Variants in CSMD2 observed in about 807,000 individuals in gnomAD.
CSMD2 encodes CUB and sushi domain-containing protein 2.
Under a neutral mutation model 398.5 loss-of-function variants are expected in CSMD2, and 130 were observed. The ratio of observed to expected loss-of-function variants is 0.33; its 90% CI spans 0.28 to 0.38. CSMD2 has a LOEUF of 0.38. CSMD2 is among the 10% of genes least tolerant of loss of function. The probability of loss-of-function intolerance (pLI) is 1.00; values close to 1 mark genes in which losing one functional copy is unlikely to be tolerated. For synonymous variants in CSMD2, 1,828 were observed against 1,908.5 expected (o/e 0.96, Z 1.10); for missense variants, 3,829 against 4,764.9 (o/e 0.80, Z 5.78).
intron 5 of CSMD2, among the ~76,000 whole-genome samples, chr1:33,867,854 A>G (rs1234465545): frequency 6.6e-6 from 1 of 152,114 alleles, no homozygotes; most frequent in Non-Finnish European, 1.5e-5. Flanking sequence ...CCTCTCTGGG[A>G]AGAGGGCCCC....
rs537275142 is a variant in CSMD2, at chr1:33,592,983, A to G, written c.6857-5815T>C. ...AAAAAAATTATCATGACATATGTGT[A>G]CACTCATGATCTTAGCAGCATTATT... On this transcript the variant is annotated intron_variant, in intron 44 of 70. Coordinates refer to ENST00000373381, the MANE Select transcript of CSMD2 (RefSeq NM_001281956.2). Among the ~76,000 whole-genome samples the G allele has an allele frequency of 7.2e-5, 11 of 152,194 alleles. No individual in the cohort carries two copies. In the South Asian group the frequency reaches 2.3e-3, roughly 32 times the overall value.
At position 33,968,081 on chromosome 1, in the gene CSMD2, T is replaced by C. The variant is rs116796368; in HGVS notation, c.518-32127A>G. On this transcript the variant is annotated intron_variant, in intron 3 of 70. Transcript: ENST00000373381. ...GCCCCATGAGCCTAGTGGTCTCCTC[T>C]TTAGGAGGAAGATGAGAAGCCCGAC... is the stretch of plus-strand genomic sequence containing the variant. Among the ~76,000 whole-genome samples, 802 of 152,286 alleles carry C rather than the reference T, an allele frequency of 5.3e-3. 3 individuals are homozygous for C. Among genetic ancestry groups the C allele is most frequent in the Non-Finnish European group, 7.6e-3 (519 of 68,008 alleles).
chr1:33,521,640 A>C (rs1333454874), intron 67 of CSMD2, 90 bp from the exon 68 acceptor site: 2 of 840,570 alleles, frequency 2.4e-6, no homozygotes, highest in Non-Finnish European at 2.1e-6. Context: ...CCAGCAGGTC[A>C]CCCACTGACC....
chr1:33,605,649 T>C (rs919965714), intron 41 of CSMD2, among the ~76,000 whole-genome samples, 179 bp from the exon 42 acceptor site: 2 of 152,206 alleles, frequency 1.3e-5, no homozygotes, highest in Admixed American at 6.5e-5. Flanking sequence ...GTGTATAGAA[T>C]GATTATTTTG....
chr1:33,989,759 C>T (rs1320057981), intron 3 of CSMD2, among the ~76,000 whole-genome samples: 4 of 152,024 alleles, frequency 2.6e-5, no homozygotes, highest in Non-Finnish European at 5.9e-5. Context: ...TTACACTGTA[C>T]GATTTTGCTA....
At chr1:33,963,914 C>A (rs1272169968) in intron 3 of CSMD2, among the ~76,000 whole-genome samples, 1 of 152,182 alleles carries the variant, frequency 6.6e-6, no homozygotes, top group Non-Finnish European at 1.5e-5. Flanking sequence ...ATTTTCCTTG[C>A]AGTAAAGCCT....
chr1:33,582,350 A>T (rs1638784040), intron 47 of CSMD2, among the ~76,000 whole-genome samples: 1 of 152,228 alleles, frequency 6.6e-6, no homozygotes, highest in Non-Finnish European at 1.5e-5. Context: ...ATAGGAAGCC[A>T]AGAAGAGCAG....
chr1:33,767,930 A>G (rs1363275914), intron 13 of CSMD2, among the ~76,000 whole-genome samples: 1 of 152,212 alleles, frequency 6.6e-6, no homozygotes, highest in Non-Finnish European at 1.5e-5. Context: ...TTGCAGCAAG[A>G]ACCTGGGTGC....
At chr1:33,740,264 GTT>G (rs1400075396) in intron 14 of CSMD2, among the ~76,000 whole-genome samples, 7 of 151,530 alleles carry the variant, frequency 4.6e-5, no homozygotes, top group African/African-American at 1.7e-4. Flanking sequence ...GGGCATCACA[GTT>G]CTCTTACTAA....
intron 13 of CSMD2, among the ~76,000 whole-genome samples, chr1:33,749,045 T>C (rs1647800601): frequency 6.7e-6 from 1 of 149,342 alleles, no homozygotes; most frequent in African/African-American, 2.5e-5. Flanking sequence ...TCTTTCCAAA[T>C]AAGTTCCTGA....
intron 21 of CSMD2, among the ~76,000 whole-genome samples, chr1:33,711,791 C>A (rs1017688936): frequency 6.6e-6 from 1 of 152,126 alleles, no homozygotes; most frequent in Non-Finnish European, 1.5e-5. Context: ...TGCCCCAGCA[C>A]GAGCCTCTCC....
chr1:33,550,115 C>T (rs1208186321), intron 56 of CSMD2, 62 bp downstream of exon 56: 9 of 1,532,386 alleles, frequency 5.9e-6, no homozygotes, highest in South Asian at 3.6e-5. Flanking sequence ...CTTGGGGGCT[C>T]GTCTACCTCC....
At chr1:33,900,788 A>AG (rs1341843426) in intron 5 of CSMD2, among the ~76,000 whole-genome samples, 4 of 152,222 alleles carry the variant, frequency 2.6e-5, no homozygotes, top group Admixed American at 2.6e-4. Flanking sequence ...CTCAAAAAAA[A>AG]AAAAAAGAGT....
chr1:33,810,856 A>C lies in CSMD2; in HGVS notation c.1333T>G (p.Cys445Gly), dbSNP rs371150673. 2 of 1,611,708 alleles carry C rather than the reference A, an allele frequency of 1.2e-6. No individual in the cohort carries two copies. The highest frequency in any genetic ancestry group is 1.7e-5 in the Admixed American group (1 of 59,740). Residue 445 changes from cysteine (C) to glycine (G), a missense_variant, in exon 10 of 71, where the codon TGT becomes GGT. Cys to Gly is a radical substitution (Grantham distance 159). Around this residue, in one of 5 missense-constraint regions of CSMD2, gnomAD observed 2,001 missense variants for 2,567.1 expected, o/e 0.78. Coordinates refer to ENST00000373381, the MANE Select transcript of CSMD2 (RefSeq NM_001281956.2). ...GAGGGGCCTCGAAGGTGGGCATCAC[A>C]CATGCGGGCTGCAGAGGAGATGAAA... ...DHRPVCRARM[C>G]DAHLRGPSGI...
chr1:33,847,581 T>C (rs775162155), intron 5 of CSMD2, among the ~76,000 whole-genome samples: 2 of 152,106 alleles, frequency 1.3e-5, no homozygotes, highest in Non-Finnish European at 2.9e-5. Flanking sequence ...TCGAGGTCAG[T>C]ATCTGGCACA....
intron 2 of CSMD2, among the ~76,000 whole-genome samples, chr1:34,082,830 C>T (rs956193473): frequency 2.0e-5 from 3 of 151,984 alleles, no homozygotes; most frequent in East Asian, 3.9e-4. Context: ...GGATTAAGGG[C>T]GGTGCAAGAT....
chr1:33,974,240 G>C (rs1002103034), intron 3 of CSMD2, among the ~76,000 whole-genome samples: 1 of 152,188 alleles, frequency 6.6e-6, no homozygotes, highest in Non-Finnish European at 1.5e-5. Context: ...ACAGGTGTTG[G>C]AGACTGCTTT....
intron 29 of CSMD2, among the ~76,000 whole-genome samples, chr1:33,637,445 T>C (rs1311067209): frequency 6.6e-6 from 1 of 152,202 alleles, no homozygotes; most frequent in African/African-American, 2.4e-5. Context: ...ACTCTTGACA[T>C]TGCCTGTGGC....
At chr1:33,523,448 T>A (rs1226318246) in intron 66 of CSMD2, 29 bp from the exon 67 acceptor site, 2 of 1,026,888 alleles carry the variant, frequency 1.9e-6, no homozygotes, top group Non-Finnish European at 3.0e-6. Context: ...GTGTTACACA[T>A]GAAAGATATG....
Sources: allele counts gnomAD v4.1 joint callset (sites outside exome capture counted in the v4.1 genomes callset), GRCh38; gene constraint gnomAD v4.1.1; regional missense constraint gnomAD v4.1.1; transcripts MANE v1.5; gene names NCBI Gene and HGNC (gene_info 2026-07-23, HGNC 2026-07-21).